The following CSMD1 variants were observed in gnomAD, a reference collection of about 807,000 sequenced individuals.
The protein encoded by CSMD1 is CUB and Sushi multiple domains 1, also known as CUB and sushi domain-containing protein 1.
Under a neutral mutation model 417.5 loss-of-function variants are expected in CSMD1, and 213 were observed. The ratio of observed to expected loss-of-function variants is 0.51; its 90% CI spans 0.46 to 0.57. The LOEUF (loss-of-function observed/expected upper bound fraction) is 0.57. Among genes scored for constraint, CSMD1 ranks in the 20% least tolerant of loss-of-function variants. The pLI, the probability that CSMD1 is intolerant of heterozygous loss-of-function variation, is 0.00. For synonymous variants in CSMD1, 2,862 were observed against 1,736.8 expected (o/e 1.65, Z -16.11); for missense variants, 6,923 against 4,529.7 (o/e 1.53, Z -15.17).
intron 1 of CSMD1, among the ~76,000 whole-genome samples, chr8:4,733,199 A>G (rs377489800): frequency 2.0e-4 from 30 of 152,336 alleles, no homozygotes; most frequent in South Asian, 6.2e-4. Context: ...CATGTTGAAC[A>G]TTACATTCCA....
At chr8:3,701,235 C>T (rs1403013593) in intron 7 of CSMD1, among the ~76,000 whole-genome samples, 1 of 152,118 alleles carries the variant, frequency 6.6e-6, no homozygotes, top group Non-Finnish European at 1.5e-5. Context: ...CGTAATCCAC[C>T]TCAGTCCATT....
At position 3,785,331 on chromosome 8, in the gene CSMD1, C is replaced by G. The variant is rs554218924; in HGVS notation, c.819-31289G>C. Among the ~76,000 whole-genome samples, 3 of 152,096 alleles carry G rather than the reference C, an allele frequency of 2.0e-5. No homozygotes were observed. In the Middle Eastern group the frequency reaches 0.01, roughly 528 times the overall value. On this transcript the variant is annotated intron_variant, in intron 5 of 69. Coordinates refer to ENST00000635120, the MANE Select transcript of CSMD1 (RefSeq NM_033225.6). ...TTCAGGCTGCGGAAAATAAATGCCC[C>G]GGGCAAGGCCTCAGTCAGCAGTGGA...
At chr8:4,406,429 G>A (rs190000898) in intron 3 of CSMD1, among the ~76,000 whole-genome samples, 1 of 152,214 alleles carries the variant, frequency 6.6e-6, no homozygotes, top group Admixed American at 6.5e-5. Flanking sequence ...GATACCCCAA[G>A]AGCCACAAAT....
At chr8:3,828,603 T>A (rs544909341) in intron 5 of CSMD1, among the ~76,000 whole-genome samples, 7 of 152,292 alleles carry the variant, frequency 4.6e-5, no homozygotes, top group Admixed American at 3.9e-4. Flanking sequence ...ACAATTTTCT[T>A]CCATTTCTTC....
intron 5 of CSMD1, among the ~76,000 whole-genome samples, chr8:3,813,959 C>G (rs533202875): frequency 6.2e-4 from 94 of 152,150 alleles, no homozygotes; most frequent in African/African-American, 1.3e-3. Flanking sequence ...AATGTAAGAC[C>G]CTGAAATATG....
chr8:4,523,379 G>C (rs758283799), intron 2 of CSMD1, among the ~76,000 whole-genome samples: 47 of 152,054 alleles, frequency 3.1e-4, no homozygotes, highest in Non-Finnish European at 7.4e-5. Flanking sequence ...TGTAGCTGTT[G>C]TTTTTTTCAT....
intron 1 of CSMD1, among the ~76,000 whole-genome samples, chr8:4,735,209 G>C (rs1810152218): frequency 6.6e-6 from 1 of 152,098 alleles, no homozygotes; most frequent in South Asian, 2.1e-4. Flanking sequence ...AACCTTTATT[G>C]CTAATACCAA....
intron 1 of CSMD1, among the ~76,000 whole-genome samples, chr8:4,768,964 A>T (rs1796468241): frequency 6.6e-6 from 1 of 152,114 alleles, no homozygotes; most frequent in African/African-American, 2.4e-5. Flanking sequence ...AAATAAATTA[A>T]CTTGTGACTA....
intron 12 of CSMD1, among the ~76,000 whole-genome samples, chr8:3,416,381 G>A (rs953284135): frequency 6.0e-5 from 9 of 151,104 alleles, no homozygotes; most frequent in Admixed American, 1.3e-4. Flanking sequence ...AAATAACAGA[G>A]GACCAAACAC....
At chr8:3,377,536 A>C (rs1810387835) in intron 18 of CSMD1, among the ~76,000 whole-genome samples, 1 of 152,176 alleles carries the variant, frequency 6.6e-6, no homozygotes, top group Non-Finnish European at 1.5e-5. Flanking sequence ...CAATTCCTGT[A>C]CTGCAAAACC....
intron 3 of CSMD1, among the ~76,000 whole-genome samples, chr8:4,414,416 A>G (rs908033151): frequency 1.3e-5 from 2 of 152,188 alleles, no homozygotes; most frequent in African/African-American, 4.8e-5. Context: ...TTTCTTTCAT[A>G]AAATAAATGT....
At chr8:3,503,584 C>T (rs1273240453) in intron 10 of CSMD1, among the ~76,000 whole-genome samples, 1 of 152,216 alleles carries the variant, frequency 6.6e-6, no homozygotes, top group African/African-American at 2.4e-5. Flanking sequence ...CCTCAGGGCC[C>T]TGCCAAGTCC....
rs547767143 is a variant in CSMD1 at position 3,813,414 on chromosome 8, G to A, written c.819-59372C>T. The stretch of plus-strand genomic sequence containing the variant: ...TTAAGGAGGTGATATTTTCCCTAGG[G>A]GCCTGTAAAAGAACTATTTTAATTA... On this transcript the variant is annotated intron_variant, in intron 5 of 69. Coordinates refer to ENST00000635120, the MANE Select transcript of CSMD1 (RefSeq NM_033225.6). 5.3e-5 allele frequency among the ~76,000 whole-genome samples: 8 copies of A among 152,006 alleles called. No homozygotes were observed. The East Asian group carries it at 1.5e-3, about 29-fold the overall frequency.
chr8:4,189,885 T>C (rs530224832), intron 3 of CSMD1, among the ~76,000 whole-genome samples: 1 of 152,228 alleles, frequency 6.6e-6, no homozygotes, highest in South Asian at 2.1e-4. Context: ...TAGCCTTGAA[T>C]CATTTCTAAG....
At chr8:4,486,995 C>T (rs558246128) in intron 2 of CSMD1, among the ~76,000 whole-genome samples, 3 of 152,258 alleles carry the variant, frequency 2.0e-5, no homozygotes. Context: ...ACACGCCTTC[C>T]ACATCGAGGT....
intron 2 of CSMD1, among the ~76,000 whole-genome samples, chr8:4,574,212 G>T (rs1466564527): frequency 1.3e-5 from 2 of 152,148 alleles, no homozygotes; most frequent in African/African-American, 4.8e-5. Context: ...TGTCTGAACA[G>T]CTGCCGAGTT....
At chr8:3,658,840 A>T (rs145732676) in intron 7 of CSMD1, among the ~76,000 whole-genome samples, 2 of 152,318 alleles carry the variant, frequency 1.3e-5, no homozygotes, top group East Asian at 3.9e-4. Context: ...ATGGTTAATA[A>T]CATTGAAGGT....
At chr8:4,468,548 G>T (rs143755670) in intron 2 of CSMD1, among the ~76,000 whole-genome samples, 4 of 152,004 alleles carry the variant, frequency 2.6e-5, no homozygotes, top group African/African-American at 9.7e-5. Flanking sequence ...ACACACTCTT[G>T]TCCCCAGCTA....
rs1344632893 is a variant in CSMD1, at chr8:3,218,717, C to A, written c.4672+538G>T. Among the ~76,000 whole-genome samples, 3 of 151,624 alleles carry A rather than the reference C, an allele frequency of 2.0e-5. No homozygotes were observed. In the South Asian group the frequency reaches 6.3e-4, roughly 32 times the overall value. ...TGAAACCCAGTCTCTACTAAAAATACAAAAATTAGCCGTGTATGGTGGCAT... is the reference window on the plus strand; with the variant it reads ...TGAAACCCAGTCTCTACTAAAAATAAAAAAATTAGCCGTGTATGGTGGCAT... On this transcript the variant is annotated intron_variant, in intron 29 of 69. Coordinates refer to ENST00000635120, the MANE Select transcript of CSMD1 (RefSeq NM_033225.6).
Sources: gnomAD v4.1 joint callset for allele counts (sites outside exome capture counted in the v4.1 genomes callset) on GRCh38, gnomAD v4.1.1 for gene constraint, MANE v1.5 for transcripts, NCBI Gene and HGNC (gene_info 2026-07-23, HGNC 2026-07-21) for gene names.